The following YJU2B variants were observed in gnomAD, a reference collection of about 807,000 sequenced individuals.
The protein encoded by YJU2B is probable splicing factor YJU2B.
A neutral mutation model predicts 38.0 loss-of-function variants in YJU2B; 18 were observed. The observed-to-expected ratio is 0.47, with a 90% confidence interval of 0.33 to 0.70. YJU2B has a LOEUF of 0.70. Among genes scored for constraint, YJU2B ranks in the 30% least tolerant of loss-of-function variants. The pLI is 0.02. For synonymous variants in YJU2B, 246 were observed against 225.4 expected, an observed-to-expected ratio of 1.09 and a Z score of -0.82; for missense variants, 538 against 556.3, an observed-to-expected ratio of 0.97 and a Z score of 0.33.
chr19:13,754,423 G>C, intron 3 of YJU2B, 81 bp downstream of exon 3: 1 of 1,180,832 alleles, frequency 8.5e-7, no homozygotes, highest in African/African-American at 1.5e-5. Flanking sequence ...CACTGCTGCG[G>C]AAGGATGGGT....
In YJU2B at chr19:13,763,249, T is replaced by A; in HGVS notation, c.*181T>A. On this transcript the variant is annotated 3_prime_UTR_variant, in exon 10 of 10. Transcript: ENST00000221554. ...TTTATTTGGTCCTGGTGAGGGTGTTTGTGCCTTGTGAGACTCCGTACATTA... is the reference window on the plus strand; with the variant it reads ...TTTATTTGGTCCTGGTGAGGGTGTTAGTGCCTTGTGAGACTCCGTACATTA... 1.8e-6 allele frequency: 1 copy of A among 557,688 alleles called. No individual in the cohort carries two copies. 34.5% of individuals were successfully genotyped at this position (557,688 alleles called of 1,614,324 possible).
intron 2 of YJU2B, among the ~76,000 whole-genome samples, chr19:13,735,338 G>A (rs1201939465): frequency 2.0e-5 from 3 of 152,132 alleles, no homozygotes; most frequent in Admixed American, 6.6e-5. Flanking sequence ...ACTTGAGTCT[G>A]TTGCCAGTTC....
chr19:13,735,009 G>T (rs553667770), intron 2 of YJU2B, among the ~76,000 whole-genome samples: 7 of 152,282 alleles, frequency 4.6e-5, no homozygotes, highest in Admixed American at 4.6e-4. Flanking sequence ...AGTGGAACTA[G>T]CCCTGGCCAA....
chr19:13,753,189 C>A (rs1403634123), intron 2 of YJU2B, among the ~76,000 whole-genome samples: 1 of 152,178 alleles, frequency 6.6e-6, no homozygotes, highest in Non-Finnish European at 1.5e-5. Context: ...GTCCCCAAGT[C>A]CCCCTTATCC....
intron 5 of YJU2B, 99 bp from the exon 6 acceptor site, chr19:13,757,687 C>A: frequency 7.7e-7 from 1 of 1,298,998 alleles, no homozygotes; most frequent in Non-Finnish European, 1.1e-6. Flanking sequence ...AGTTGGGGAA[C>A]CCTCAGCAAG....
chr19:13,757,530 GGAT>G, intron 5 of YJU2B, 57 bp downstream of exon 5: 2 of 1,471,052 alleles, frequency 1.4e-6, no homozygotes, highest in Middle Eastern at 2.1e-4. Flanking sequence ...CCTAACTGCT[GGAT>G]GCCGCCGGGG....
chr19:13,750,834 G>A (rs1180425833), intron 1 of YJU2B, among the ~76,000 whole-genome samples: 1 of 149,418 alleles, frequency 6.7e-6, no homozygotes, highest in East Asian at 2.0e-4. Context: ...CTCCAGCCTG[G>A]GTGATAGAGT....
In YJU2B at chr19:13,762,775, T is replaced by C; in HGVS notation, c.898T>C (p.Ser300Pro). Residue 300 changes from serine to proline, a missense_variant, in exon 10 of 10, where the codon TCT becomes CCT. By Grantham distance (74) the Ser-to-Pro change is moderately conservative (BLOSUM62 -1). Transcript: ENST00000221554. ...GGACCTGGGCATCGTGCGGCGGAGG[T>C]CTCGGGACGTCCCGGAGAGCCCCCA... The part of the protein sequence containing the change: ...VGDLGIVRRR[S>P]RDVPESPQHA... 1 of 1,604,092 alleles carries C rather than the reference T, an allele frequency of 6.2e-7. No individual in the cohort carries two copies. The highest frequency in any genetic ancestry group is 8.5e-7 in the Non-Finnish European group (1 of 1,176,716).
At chr19:13,750,976 C>G (rs1973439766) in intron 1 of YJU2B, among the ~76,000 whole-genome samples, 1 of 151,258 alleles carries the variant, frequency 6.6e-6, no homozygotes, top group African/African-American at 2.4e-5. Flanking sequence ...GTGGCTGGAA[C>G]AGAGTGAACG....
At chr19:13,736,013 C>T (rs1972935249) in intron 2 of YJU2B, among the ~76,000 whole-genome samples, 1 of 148,764 alleles carries the variant, frequency 6.7e-6, no homozygotes, top group South Asian at 2.1e-4. Flanking sequence ...GATCGCGCCA[C>T]TACACTCCAG....
intron 8 of YJU2B, among the ~76,000 whole-genome samples, chr19:13,760,137 G>A (rs966116703): frequency 2.0e-5 from 3 of 151,764 alleles, no homozygotes; most frequent in African/African-American, 7.3e-5. Flanking sequence ...ATGTTGGCCA[G>A]GCTGGTCTCG....
rs1281886252 is a variant in YJU2B at position 13,762,730 on chromosome 19, A to G, written c.853A>G (p.Thr285Ala). The G allele has an allele frequency of 6.2e-7, 1 of 1,607,804 alleles. No homozygotes were observed. The highest frequency in any genetic ancestry group is 1.3e-5 in the African/African-American group (1 of 74,732). Residue 285 changes from threonine to alanine, a missense_variant, in exon 10 of 10, where the codon ACC (threonine) becomes GCC (alanine). Physicochemically the swap from Thr to Ala is moderately conservative, Grantham distance 58. Around this residue, in one of 2 missense-constraint regions of YJU2B, gnomAD observed 488 missense variants for 469.5 expected, o/e 1.04. Transcript: ENST00000221554. ...LAQSRRTALATSPITVGDLGI... is the reference protein window; with the variant it reads ...LAQSRRTALAASPITVGDLGI... ...ACAGAGCCGCAGAACCGCGCTTGCC[A>G]CCTCCCCCATCACCGTCGGGGACCT... is the stretch of plus-strand genomic sequence containing the variant.
In YJU2B at chr19:13,758,932, G is replaced by T; in HGVS notation, c.322G>T (p.Asp108Tyr). The T allele has an allele frequency of 6.2e-7, 1 of 1,614,010 alleles. No individual in the cohort carries two copies. The highest frequency in any genetic ancestry group is 8.5e-7 in the Non-Finnish European group (1 of 1,180,010). The stretch of plus-strand genomic sequence containing the variant: ...GATGCAGACGGACCCCGCCAACTGC[G>T]ACTACGTGATCGTGAGTGGCGCCCA... ...IEMQTDPANC[D>Y]YVIVSGAQRK... Residue 108 changes from aspartate to tyrosine, a missense_variant, in exon 7 of 10, where the codon GAC becomes TAC. Physicochemically the swap from Asp to Tyr is radical, Grantham distance 160 (BLOSUM62 -3). Coordinates refer to ENST00000221554, the MANE Select transcript of YJU2B (RefSeq NM_030818.4).
At chr19:13,753,347 G>C (rs1265047436) in intron 2 of YJU2B, among the ~76,000 whole-genome samples, 1 of 152,130 alleles carries the variant, frequency 6.6e-6, no homozygotes, top group Non-Finnish European at 1.5e-5. Context: ...GTCGAGGTAG[G>C]TGGGTCACAA....
At chr19:13,757,611 G>A in intron 5 of YJU2B, 138 bp downstream of exon 5, 1 of 1,066,374 alleles carries the variant, frequency 9.4e-7, no homozygotes, top group Non-Finnish European at 1.4e-6. Flanking sequence ...GCTGGCCATG[G>A]AAGCCCCTTT....
intron 1 of YJU2B, among the ~76,000 whole-genome samples, chr19:13,750,878 AAAG>A (rs1352558199): frequency 6.6e-6 from 1 of 151,284 alleles, no homozygotes; most frequent in Non-Finnish European, 1.5e-5. Context: ...AAAAAAAAAA[AAAG>A]CCTGTAACAA....
At chr19:13,735,502 AAGCCGCCC>A (rs1480915986) in intron 2 of YJU2B, among the ~76,000 whole-genome samples, 1 of 150,660 alleles carries the variant, frequency 6.6e-6, no homozygotes, top group Non-Finnish European at 1.5e-5. Context: ...GAAGTTATTG[AAGCCGCCC>A]AGCCACCCCA....
At chr19:13,735,048 G>A (rs1489191852) in intron 2 of YJU2B, among the ~76,000 whole-genome samples, 4 of 152,330 alleles carry the variant, frequency 2.6e-5, no homozygotes, top group Non-Finnish European at 4.4e-5. Flanking sequence ...AGGGCACAGC[G>A]GCTCATGCCT....
chr19:13,762,769 C>A lies in YJU2B; in HGVS notation c.892C>A (p.Arg298=), dbSNP rs771419249. Residue 298 remains arginine, a synonymous_variant, in exon 10 of 10, where the codon CGG becomes AGG. Transcript: ENST00000221554. The part of the protein sequence containing the change: ...ITVGDLGIVR[R]RSRDVPESPQ... ...CGTCGGGGACCTGGGCATCGTGCGG[C>A]GGAGGTCTCGGGACGTCCCGGAGAG... 2 of 1,605,216 alleles carry A rather than the reference C, an allele frequency of 1.2e-6. No individual in the cohort carries two copies. The highest frequency in any genetic ancestry group is 1.7e-6 in the Non-Finnish European group (2 of 1,177,270).
Sources: gnomAD v4.1 joint callset for allele counts (sites outside exome capture counted in the v4.1 genomes callset) on GRCh38, gnomAD v4.1.1 for gene constraint, gnomAD v4.1.1 regional missense constraint, MANE v1.5 for transcripts, NCBI Gene and HGNC (gene_info 2026-07-23, HGNC 2026-07-21) for gene names.